The following CCDC146 variants were observed in gnomAD, a reference collection of about 807,000 sequenced individuals.
CCDC146 encodes the protein coiled-coil domain containing 146.
In CCDC146, 92 loss-of-function variants were observed where a neutral mutation model predicts 119.3. That is an observed-to-expected ratio of 0.77 (90% CI 0.65 to 0.92). The LOEUF (loss-of-function observed/expected upper bound fraction) is 0.92. Among genes scored for constraint, CCDC146 ranks in the 40% least tolerant of loss-of-function variants. The probability of loss-of-function intolerance (pLI) is 0.00; values close to 1 mark genes in which losing one functional copy is unlikely to be tolerated. For missense variants in CCDC146, 1,000 were observed against 1,103.0 expected, an observed-to-expected ratio of 0.91 and a Z score of 1.32; for synonymous variants, 372 against 371.8, an observed-to-expected ratio of 1.00 and a Z score of -0.01.
intron 11 of CCDC146, among the ~76,000 whole-genome samples, chr7:77,275,775 A>G (rs1291440149): frequency 6.6e-6 from 1 of 152,124 alleles, no homozygotes; most frequent in Non-Finnish European, 1.5e-5. Flanking sequence ...CAATAAAACA[A>G]ATGGTAAGGC....
intron 6 of CCDC146, among the ~76,000 whole-genome samples, chr7:77,258,585 T>G (rs1793226437): frequency 6.6e-6 from 1 of 152,196 alleles, no homozygotes; most frequent in South Asian, 2.1e-4. Context: ...TTGTATTAGG[T>G]GAACTGTAGA....
Position 77,153,426 on chromosome 7 carries a change from C to CT in CCDC146, c.-11-14215dup, listed in dbSNP as rs66503834. On this transcript the variant is annotated intron_variant, in intron 1 of 18. Coordinates refer to ENST00000285871, the MANE Select transcript of CCDC146 (RefSeq NM_020879.3). ...CAGCAAGGAGGACAGTGGGACTTTT[C>CT]TTTTTTTTTTTTTTTTTAACAATAA... Among the ~76,000 whole-genome samples, 233 of 133,384 alleles carry CT rather than the reference C, an allele frequency of 1.7e-3. 1 individual carries two copies. The highest frequency in any genetic ancestry group is 4.4e-3 in the East Asian group (20 of 4,498). The allele number at this position is 133,384 out of a possible 152,430, so 87.5% of individuals were successfully genotyped here.
chr7:77,177,275 C>A (rs1048051315), intron 2 of CCDC146, among the ~76,000 whole-genome samples: 2 of 151,744 alleles, frequency 1.3e-5, no homozygotes, highest in African/African-American at 4.8e-5. Context: ...CAATTTTTTT[C>A]GAGGAATTAA....
At chr7:77,265,212 A>C (rs1285801413) in intron 9 of CCDC146, among the ~76,000 whole-genome samples, 1 of 152,336 alleles carries the variant, frequency 6.6e-6, no homozygotes, top group East Asian at 1.9e-4. Flanking sequence ...TGTCCATTCA[A>C]AGTACTGACG....
At chr7:77,232,184 A>C (rs1301424374) in intron 2 of CCDC146, among the ~76,000 whole-genome samples, 1 of 152,190 alleles carries the variant, frequency 6.6e-6, no homozygotes, top group African/African-American at 2.4e-5. Flanking sequence ...GTCAGAGGTC[A>C]CGCTTAAGCT....
Position 77,279,032 on chromosome 7 carries a change from TA to T in CCDC146, c.1629del (p.Glu544LysfsTer7), listed in dbSNP as rs781605019. The T allele has an allele frequency of 4.3e-6, 7 of 1,609,328 alleles. No individual in the cohort carries two copies. The South Asian group carries it at 7.8e-5, about 18-fold the overall frequency. ...LHKAHQKVNE[I>X]KERHKMSLNE... ...AAAGCTCATCAGAAAGTAAATGAAA[TA>T]AAAGAAAGGCATAAAATGTCATTAA... On this transcript the variant is annotated frameshift_variant, in exon 13 of 19. Transcript: ENST00000285871. LOFTEE classifies it high-confidence loss of function.
chr7:77,293,088 G>A lies in CCDC146; in HGVS notation c.2552G>A (p.Cys851Tyr), dbSNP rs1214247942. Residue 851 changes from cysteine to tyrosine, a missense_variant, in exon 18 of 19, where the codon TGC (cysteine) becomes TAC (tyrosine). Physicochemically the swap from Cys to Tyr is radical, Grantham distance 194. This residue lies in a region of CCDC146 where 985 missense variants were observed against 1,045.3 expected (regional missense o/e 0.94). Transcript: ENST00000285871. ...VREKEDFIFT[C>Y]NSRIEKGLPL... is the part of the protein sequence containing the mutation. ...GAGAAAGAAGACTTCATCTTCACTTGCAATTCCAGGATAGAAAAAGGTCTG... is the reference window on the plus strand; with the variant it reads ...GAGAAAGAAGACTTCATCTTCACTTACAATTCCAGGATAGAAAAAGGTCTG... 1 of 1,614,144 alleles carries A rather than the reference G, an allele frequency of 6.2e-7. No homozygotes were observed. The highest frequency in any genetic ancestry group is 8.5e-7 in the Non-Finnish European group (1 of 1,180,012).
intron 16 of CCDC146, 150 bp from the exon 17 acceptor site, chr7:77,287,290 G>A (rs1793865050): frequency 2.7e-6 from 2 of 740,052 alleles, no homozygotes; most frequent in East Asian, 2.7e-5. Context: ...TATCTGCAGG[G>A]GCTGGGGCAG....
chr7:77,156,850 T>TA (rs1218476558), intron 1 of CCDC146, among the ~76,000 whole-genome samples: 1 of 151,940 alleles, frequency 6.6e-6, no homozygotes, highest in African/African-American at 2.4e-5. Flanking sequence ...GGAGGCCCCA[T>TA]AGGATGAGCC....
chr7:77,131,799 A>G (rs1202220819), intron 1 of CCDC146, among the ~76,000 whole-genome samples: 1 of 152,180 alleles, frequency 6.6e-6, no homozygotes, highest in African/African-American at 2.4e-5. Context: ...GAAAGATTAC[A>G]TACTCTGTGA....
chr7:77,220,227 G>T (rs1197112276), intron 2 of CCDC146, among the ~76,000 whole-genome samples: 1 of 152,120 alleles, frequency 6.6e-6, no homozygotes, highest in Non-Finnish European at 1.5e-5. Flanking sequence ...TCCTCGCTGA[G>T]AAAAAGAATT....
intron 2 of CCDC146, among the ~76,000 whole-genome samples, chr7:77,173,123 G>A (rs372185594): frequency 8.5e-5 from 13 of 152,236 alleles, no homozygotes; most frequent in African/African-American, 2.9e-4. Flanking sequence ...TTAGAGGACA[G>A]GTCAATAGGT....
At chr7:77,134,846 G>C (rs1790839369) in intron 1 of CCDC146, among the ~76,000 whole-genome samples, 1 of 152,054 alleles carries the variant, frequency 6.6e-6, no homozygotes, top group African/African-American at 2.4e-5. Context: ...AAGTGGATTG[G>C]AAAATGAAGA....
chr7:77,284,973 T>C (rs1006256819), intron 15 of CCDC146, among the ~76,000 whole-genome samples: 1 of 152,064 alleles, frequency 6.6e-6, no homozygotes, highest in Non-Finnish European at 1.5e-5. Flanking sequence ...AGCCACAGTG[T>C]CTTGGGGTTT....
chr7:77,252,768 A>G (rs1371471262), intron 4 of CCDC146, among the ~76,000 whole-genome samples: 1 of 152,220 alleles, frequency 6.6e-6, no homozygotes, highest in Non-Finnish European at 1.5e-5. Context: ...CAGCAGAAGA[A>G]CTCAATGGAA....
intron 2 of CCDC146, among the ~76,000 whole-genome samples, chr7:77,212,906 A>G (rs1473264846): frequency 1.3e-5 from 2 of 149,712 alleles, no homozygotes; most frequent in Non-Finnish European, 2.9e-5. Flanking sequence ...TTCCATTATA[A>G]TCATAGAGCC....
At chr7:77,128,327 A>T (rs1440235385) in intron 1 of CCDC146, among the ~76,000 whole-genome samples, 2 of 151,990 alleles carry the variant, frequency 1.3e-5, no homozygotes, top group Non-Finnish European at 2.9e-5. Context: ...TCAGAACTCG[A>T]CCAATTTCCA....
rs146774179 is a variant in CCDC146, at chr7:77,284,695, C to T, written c.2148+1910C>T. On this transcript the variant is annotated intron_variant, in intron 15 of 18. Coordinates refer to ENST00000285871, the MANE Select transcript of CCDC146 (RefSeq NM_020879.3). ...TTATCTAGTATGAAATGTAAATTCA[C>T]TTTTACCCAAGAAGGAAATATTATG... 2.7e-3 allele frequency among the ~76,000 whole-genome samples: 414 copies of T among 151,168 alleles called. 3 individuals are homozygous for T. The highest frequency in any genetic ancestry group is 9.6e-3 in the African/African-American group (394 of 41,104).
At chr7:77,179,235 T>G (rs1166270093) in intron 2 of CCDC146, among the ~76,000 whole-genome samples, 2 of 152,110 alleles carry the variant, frequency 1.3e-5, no homozygotes, top group African/African-American at 4.8e-5. Context: ...GTAATAAAAT[T>G]TATTCAGCCA....
Sources: allele counts gnomAD v4.1 joint callset (sites outside exome capture counted in the v4.1 genomes callset), GRCh38; gene constraint gnomAD v4.1.1; regional missense constraint gnomAD v4.1.1; transcripts MANE v1.5; gene names NCBI Gene and HGNC (gene_info 2026-07-23, HGNC 2026-07-21).